Variants in TRPC5 observed in about 807,000 individuals in gnomAD.
TRPC5 encodes transient receptor potential cation channel subfamily C member 5, also known as short transient receptor potential channel 5.
Under a neutral mutation model 56.5 loss-of-function variants are expected in TRPC5, and 9 were observed. The observed-to-expected ratio is 0.16, with a 90% confidence interval of 0.10 to 0.28. The LOEUF (loss-of-function observed/expected upper bound fraction) is 0.28. Ranked by LOEUF, TRPC5 falls within the 10% of genes least tolerant of loss-of-function variation. The pLI, the probability that TRPC5 is intolerant of heterozygous loss-of-function variation, is 1.00. For synonymous variants in TRPC5, 282 were observed against 278.5 expected (o/e 1.01, Z -0.13); for missense variants, 469 against 748.9 (o/e 0.63, Z 4.36).
intron 1 of TRPC5, among the ~76,000 whole-genome samples, chrX:112,008,344 C>G (rs759752221): frequency 8.9e-6 from 1 of 111,896 alleles, no homozygotes; most frequent in African/African-American, 3.2e-5. Flanking sequence ...GTAATCCCAG[C>G]ACTTTGGGAG....
chrX:111,811,114 T>C (rs957295436), intron 7 of TRPC5, among the ~76,000 whole-genome samples: 3 of 112,041 alleles, frequency 2.7e-5, no homozygotes, highest in Non-Finnish European at 5.6e-5. Context: ...TCTTAACATA[T>C]GGGTATGAGT....
chrX:112,049,684 G>A (rs772000688), intron 1 of TRPC5, among the ~76,000 whole-genome samples: 14 of 110,419 alleles, frequency 1.3e-4, no homozygotes, highest in African/African-American at 4.3e-4. Flanking sequence ...AGAACAAAAT[G>A]TATTTTGGGC....
chrX:111,970,160 C>T (rs749268018), intron 1 of TRPC5, among the ~76,000 whole-genome samples: 2 of 111,246 alleles, frequency 1.8e-5, no homozygotes, highest in East Asian at 5.7e-4. Context: ...CTGAGAAAGG[C>T]CATTCATTAA....
In TRPC5 at chrX:111,774,161, T is replaced by C. The variant is rs1945860515; in HGVS notation, c.*2152A>G. Among the ~76,000 whole-genome samples, 1 of 112,275 alleles carries C rather than the reference T, an allele frequency of 8.9e-6. No individual in the cohort carries two copies. Among genetic ancestry groups the C allele is most frequent in the Admixed American group, 9.4e-5 (1 of 10,603 alleles). ...CTTTAGAACGTAAGTGACAGAAGACTTTTGGAATACAGTTCCATGTCTGGC... is the reference window on the plus strand; with the variant it reads ...CTTTAGAACGTAAGTGACAGAAGACCTTTGGAATACAGTTCCATGTCTGGC... On this transcript the variant is annotated 3_prime_UTR_variant, in exon 11 of 11. Transcript: ENST00000262839.
intron 1 of TRPC5, among the ~76,000 whole-genome samples, chrX:111,973,907 G>A (rs1927850676): frequency 9.0e-6 from 1 of 111,153 alleles, no homozygotes; most frequent in African/African-American, 3.3e-5. Flanking sequence ...GGCCATAGCG[G>A]GAGTATATAT....
chrX:112,041,171 G>C (rs1379539606), intron 1 of TRPC5, among the ~76,000 whole-genome samples: 3 of 112,205 alleles, frequency 2.7e-5, no homozygotes, highest in Non-Finnish European at 5.6e-5. Context: ...GCAGGTGCTG[G>C]CAGTAGGAAT....
intron 3 of TRPC5, among the ~76,000 whole-genome samples, chrX:111,859,123 A>G (rs762647813): frequency 9.0e-6 from 1 of 111,134 alleles, no homozygotes; most frequent in Non-Finnish European, 1.9e-5. Context: ...GGCTTTTATG[A>G]TTTCCAGCTT....
chrX:112,027,504 TC>T (rs1381016772), intron 1 of TRPC5, among the ~76,000 whole-genome samples: 2 of 111,533 alleles, frequency 1.8e-5, no homozygotes, highest in Non-Finnish European at 1.9e-5. Context: ...TCTTTTCTTT[TC>T]TTTTTTTTTG....
In TRPC5 at chrX:111,887,450, C is replaced by T. The variant is rs1482084809; in HGVS notation, c.900+24841G>A. 2.7e-5 allele frequency among the ~76,000 whole-genome samples: 3 copies of T among 112,049 alleles called. No homozygotes were observed. In the Admixed American group the frequency reaches 2.8e-4, roughly 11 times the overall value. On this transcript the variant is annotated intron_variant, in intron 3 of 10. Transcript: ENST00000262839. Reference sequence around the variant, plus strand: ...GGTTAGTGGCACAAGCAGGGCATGTCCCCTTCCTAACAAAGAATCTGGAAG... The same window carrying T: ...GGTTAGTGGCACAAGCAGGGCATGTTCCCTTCCTAACAAAGAATCTGGAAG...
chrX:111,859,743 A>T (rs1923339872), intron 3 of TRPC5, among the ~76,000 whole-genome samples: 1 of 112,453 alleles, frequency 8.9e-6, no homozygotes, highest in Non-Finnish European at 1.9e-5. Flanking sequence ...CCGTAAGTCA[A>T]GTTTGATTCC....
chrX:112,019,952 ATAACT>A (rs781687288), intron 1 of TRPC5, among the ~76,000 whole-genome samples: 1 of 112,728 alleles, frequency 8.9e-6, no homozygotes, highest in Admixed American at 9.4e-5. Flanking sequence ...GCATTCTGAA[ATAACT>A]TAAAGCCTAA....
intron 7 of TRPC5, among the ~76,000 whole-genome samples, chrX:111,798,557 A>G: frequency 8.9e-6 from 1 of 111,836 alleles, no homozygotes; most frequent in South Asian, 3.7e-4. Context: ...TTACAAGAAA[A>G]TGTCAAATTT....
intron 2 of TRPC5, among the ~76,000 whole-genome samples, chrX:111,935,666 C>A (rs1331460041): frequency 8.9e-6 from 1 of 111,915 alleles, no homozygotes; most frequent in Admixed American, 9.5e-5. Flanking sequence ...AGATATGGGT[C>A]TACTTTCACT....
intron 1 of TRPC5, among the ~76,000 whole-genome samples, chrX:112,057,720 A>G (rs1277586121): frequency 1.8e-5 from 2 of 112,333 alleles, no homozygotes; most frequent in East Asian, 2.8e-4. Context: ...ATAGATGATC[A>G]TCGTTTCCAG....
chrX:111,803,448 T>C (rs1166107962), intron 7 of TRPC5, among the ~76,000 whole-genome samples: 1 of 112,292 alleles, frequency 8.9e-6, no homozygotes, highest in African/African-American at 3.2e-5. Flanking sequence ...TCCACACTGG[T>C]TGAACTAATT....
At chrX:111,879,919 T>C (rs1228683504) in intron 3 of TRPC5, among the ~76,000 whole-genome samples, 11 of 86,077 alleles carry the variant, frequency 1.3e-4, no homozygotes, top group African/African-American at 1.1e-3. Flanking sequence ...TTCCTCTTCA[T>C]TTTTTTTTTT....
At chrX:111,907,112 G>GAAA (rs746535996) in intron 3 of TRPC5, among the ~76,000 whole-genome samples, 3 of 70,485 alleles carry the variant, frequency 4.3e-5, no homozygotes, top group African/African-American at 1.4e-4. Context: ...AAGGTCATTT[G>GAAA]AAAAAAAAAA....
chrX:112,058,580 A>G (rs1297144491), intron 1 of TRPC5, among the ~76,000 whole-genome samples: 3 of 111,851 alleles, frequency 2.7e-5, no homozygotes, highest in Non-Finnish European at 3.8e-5. Context: ...CAAGATTTAA[A>G]TAAAAAGAAG....
chrX:112,065,069 C>A (rs111294988), intron 1 of TRPC5, among the ~76,000 whole-genome samples: 4 of 98,328 alleles, frequency 4.1e-5, no homozygotes, highest in Middle Eastern at 5.3e-3. Context: ...ACCAGCGAGA[C>A]TACGTCTCAA....
Sources: gnomAD v4.1 joint callset for allele counts (sites outside exome capture counted in the v4.1 genomes callset) on GRCh38, gnomAD v4.1.1 for gene constraint, MANE v1.5 for transcripts, NCBI Gene and HGNC (gene_info 2026-07-23, HGNC 2026-07-21) for gene names.